Variants in ACVR1C observed in about 807,000 individuals in gnomAD.
The protein encoded by ACVR1C is activin receptor type-1C.
ACVR1C carries 23 observed loss-of-function variants against 57.9 expected under a neutral mutation model. That is an observed-to-expected ratio of 0.40 (90% confidence interval 0.29 to 0.56). The LOEUF (loss-of-function observed/expected upper bound fraction) is 0.56, where lower values mean the gene tolerates loss of function less well. Among genes scored for constraint, ACVR1C ranks in the 20% least tolerant of loss-of-function variants. ACVR1C has a pLI of 0.50. For synonymous variants in ACVR1C, 214 were observed against 215.3 expected (o/e 0.99, Z 0.05); for missense variants, 480 against 607.9 (o/e 0.79, Z 2.21).
chr2:157,551,549 A>G (rs1687924313), intron 3 of ACVR1C, among the ~76,000 whole-genome samples: 1 of 152,196 alleles, frequency 6.6e-6, no homozygotes, highest in African/African-American at 2.4e-5. Context: ...ATAAGACTCA[A>G]AAGGAAGCAT....
chr2:157,556,657 C>CT (rs1169628343), intron 2 of ACVR1C, among the ~76,000 whole-genome samples: 6,250 of 87,938 alleles, frequency 0.071, 559 homozygotes, highest in Non-Finnish European at 0.081. Context: ...CAGCAGTACA[C>CT]TTTTTTTTTT....
At chr2:157,545,096 AAT>A (rs1359594682) in intron 4 of ACVR1C, among the ~76,000 whole-genome samples, 1 of 152,232 alleles carries the variant, frequency 6.6e-6, no homozygotes, top group Admixed American at 6.5e-5. Context: ...CACCTTTCAA[AAT>A]ATAGAGTTGA....
At chr2:157,550,047 A>AT in intron 4 of ACVR1C, 115 bp downstream of exon 4, 6 of 780,384 alleles carry the variant, frequency 7.7e-6, no homozygotes, top group Non-Finnish European at 1.2e-5. Context: ...AAAAAAAAAA[A>AT]GAAGAGGTGA....
At chr2:157,587,508 GA>G in intron 1 of ACVR1C, 91 bp from the exon 2 acceptor site, 1 of 988,434 alleles carries the variant, frequency 1.0e-6, no homozygotes, top group East Asian at 2.4e-5. Context: ...CAATCTTAAT[GA>G]AAATGGAAAA....
At chr2:157,574,827 T>C (rs1329846767) in intron 2 of ACVR1C, among the ~76,000 whole-genome samples, 1 of 152,226 alleles carries the variant, frequency 6.6e-6, no homozygotes, top group Admixed American at 6.5e-5. Context: ...GTCAGGCCCC[T>C]GTCAGCTCCC....
chr2:157,586,410 T>C (rs576438812), intron 2 of ACVR1C, among the ~76,000 whole-genome samples: 1 of 152,260 alleles, frequency 6.6e-6, no homozygotes, highest in South Asian at 2.1e-4. Flanking sequence ...GTATCTCTGT[T>C]ATAGATACAT....
At chr2:157,546,552 C>T (rs920060204) in intron 4 of ACVR1C, among the ~76,000 whole-genome samples, 1 of 152,004 alleles carries the variant, frequency 6.6e-6, no homozygotes, top group African/African-American at 2.4e-5. Flanking sequence ...TTTGTCTTAA[C>T]CCTTTTTTAG....
At chr2:157,554,722 C>T (rs1375376903) in intron 3 of ACVR1C, among the ~76,000 whole-genome samples, 1 of 152,140 alleles carries the variant, frequency 6.6e-6, no homozygotes, top group Non-Finnish European at 1.5e-5. Flanking sequence ...CCTCTGTTGC[C>T]TACCTCTGTT....
At chr2:157,562,053 T>C (rs551933545) in intron 2 of ACVR1C, among the ~76,000 whole-genome samples, 1 of 152,202 alleles carries the variant, frequency 6.6e-6, no homozygotes, top group African/African-American at 2.4e-5. Flanking sequence ...TCCTGGCACT[T>C]TGGGAGGCCG....
At chr2:157,556,064 T>C in intron 3 of ACVR1C, 29 bp downstream of exon 3, 3 of 1,585,146 alleles carry the variant, frequency 1.9e-6, no homozygotes, top group Non-Finnish European at 2.6e-6. Context: ...TGTTTTCTTA[T>C]TTTAAAAAAA....
chr2:157,538,519 G>A (rs201784518), intron 8 of ACVR1C, 54 bp downstream of exon 8: 160 of 1,436,900 alleles, frequency 1.1e-4, no homozygotes, highest in African/African-American at 5.5e-4. Context: ...AAGTCTCCCC[G>A]ATACTCACCT....
At chr2:157,546,710 G>A (rs1004427900) in intron 4 of ACVR1C, among the ~76,000 whole-genome samples, 19 of 151,006 alleles carry the variant, frequency 1.3e-4, no homozygotes, top group Admixed American at 3.9e-4. Context: ...TAACAATTTC[G>A]TAAAAAAAAA....
rs77861438 is a variant in ACVR1C at position 157,584,777 on chromosome 2, C to A, written c.304+2410G>T. ...AAAAGCACGTATCCAAAGACTTGTACGTGAATGCTCATAACAGCTTTGCGA... is the reference window on the plus strand; with the variant it reads ...AAAAGCACGTATCCAAAGACTTGTAAGTGAATGCTCATAACAGCTTTGCGA... On this transcript the variant is annotated intron_variant, in intron 2 of 8. Coordinates refer to ENST00000243349, the MANE Select transcript of ACVR1C (RefSeq NM_145259.3). Among the ~76,000 whole-genome samples the A allele has an allele frequency of 3.4e-3, 520 of 152,266 alleles. 1 individual carries two copies. The highest frequency in any genetic ancestry group is 0.012 in the African/African-American group (495 of 41,554).
chr2:157,534,823 G>A (rs191468481), intron 8 of ACVR1C, among the ~76,000 whole-genome samples: 2 of 152,244 alleles, frequency 1.3e-5, no homozygotes. Context: ...TGGATCGCAT[G>A]TAATAGAGAG....
At chr2:157,598,051 T>G (rs1032410612) in intron 1 of ACVR1C, among the ~76,000 whole-genome samples, 5 of 152,206 alleles carry the variant, frequency 3.3e-5, no homozygotes, top group African/African-American at 1.2e-4. Context: ...ATTGGTCTTA[T>G]AGCTGTTATA....
chr2:157,543,966 C>T (rs1687678982), intron 5 of ACVR1C, among the ~76,000 whole-genome samples: 1 of 150,726 alleles, frequency 6.6e-6, no homozygotes, highest in African/African-American at 2.4e-5. Context: ...AAATAGTGAG[C>T]AACTGATGAG....
intron 2 of ACVR1C, among the ~76,000 whole-genome samples, chr2:157,575,851 T>G (rs1221305393): frequency 6.6e-6 from 1 of 152,102 alleles, no homozygotes; most frequent in African/African-American, 2.4e-5. Context: ...AAAAAACAAG[T>G]CAGACACTAT....
At chr2:157,611,514 G>A (rs1192198711) in intron 1 of ACVR1C, among the ~76,000 whole-genome samples, 1 of 152,098 alleles carries the variant, frequency 6.6e-6, no homozygotes, top group Non-Finnish European at 1.5e-5. Flanking sequence ...CCTCCAGGTG[G>A]CTGCTTGGGA....
chr2:157,582,146 C>T (rs1279182019), intron 2 of ACVR1C, among the ~76,000 whole-genome samples: 1 of 152,108 alleles, frequency 6.6e-6, no homozygotes, highest in Non-Finnish European at 1.5e-5. Flanking sequence ...TGTAGGACCC[C>T]ATCTCAAAAA....
Sources: allele counts gnomAD v4.1 joint callset (sites outside exome capture counted in the v4.1 genomes callset), GRCh38; gene constraint gnomAD v4.1.1; transcripts MANE v1.5; gene names NCBI Gene and HGNC (gene_info 2026-07-23, HGNC 2026-07-21).